Variants in PCDH11X observed in about 807,000 individuals in gnomAD.
PCDH11X encodes the protein protocadherin-11 X-linked.
Under a neutral mutation model 53.3 loss-of-function variants are expected in PCDH11X, and 18 were observed. The observed-to-expected ratio is 0.34, with a 90% CI of 0.23 to 0.50. The LOEUF (loss-of-function observed/expected upper bound fraction) is 0.50. Among genes scored for constraint, PCDH11X ranks in the 20% least tolerant of loss-of-function variants. PCDH11X has a pLI of 0.98. For synonymous variants in PCDH11X, 279 were observed against 393.3 expected (o/e 0.71, Z 3.44); for missense variants, 570 against 1,032.4 (o/e 0.55, Z 6.14).
intron 8 of PCDH11X, among the ~76,000 whole-genome samples, chrX:92,277,057 A>G (rs945206593): frequency 1.8e-5 from 2 of 110,742 alleles, no homozygotes; most frequent in African/African-American, 3.3e-5. Context: ...TAAAGAGATT[A>G]TAGGGTGGAA....
chrX:92,154,835 A>T (rs1374195563), intron 6 of PCDH11X, among the ~76,000 whole-genome samples: 1 of 94,958 alleles, frequency 1.1e-5, no homozygotes, highest in African/African-American at 4.0e-5. Context: ...ATCTGCCCAG[A>T]CCTACTCCTA....
At chrX:92,012,228 T>C (rs758445353) in intron 6 of PCDH11X, among the ~76,000 whole-genome samples, 3 of 108,910 alleles carry the variant, frequency 2.8e-5, no homozygotes, top group African/African-American at 1.0e-4. Context: ...TAGTAATGTT[T>C]TGATGTGCTG....
chrX:92,225,036 T>C (rs1013893938), intron 7 of PCDH11X, among the ~76,000 whole-genome samples: 2 of 111,661 alleles, frequency 1.8e-5, no homozygotes, highest in Non-Finnish European at 3.8e-5. Context: ...ATTGGGCTTC[T>C]GTTGGTATTT....
At chrX:92,304,366 C>T (rs1459160185) in intron 8 of PCDH11X, among the ~76,000 whole-genome samples, 2 of 111,269 alleles carry the variant, frequency 1.8e-5, no homozygotes, top group African/African-American at 6.5e-5. Flanking sequence ...TTCAGATTTA[C>T]CAGAACTTAT....
At chrX:92,012,273 C>A (rs1292069451) in intron 6 of PCDH11X, among the ~76,000 whole-genome samples, 1 of 108,064 alleles carries the variant, frequency 9.3e-6, no homozygotes, top group Non-Finnish European at 1.9e-5. Context: ...AGTAAAATGG[C>A]AGCTGGTTTT....
At position 92,195,769 on chromosome X, in the gene PCDH11X, A is replaced by G. The variant is rs6615340; in HGVS notation, c.3034-5606A>G. ...TAGAAATCCATGTCTCCTGACACCA[A>G]TTTGCATACAAAGCTCAAGACAAAA... On this transcript the variant is annotated intron_variant, in intron 6 of 10. Coordinates refer to ENST00000682573, the MANE Select transcript of PCDH11X (RefSeq NM_032968.5). 0.022 allele frequency among the ~76,000 whole-genome samples: 2,474 copies of G among 111,904 alleles called. 93 individuals are homozygous for G. In the East Asian group the frequency reaches 0.23, roughly 10 times the overall value.
chrX:92,575,706 C>T (rs1055678381), intron 10 of PCDH11X, among the ~76,000 whole-genome samples: 1 of 105,383 alleles, frequency 9.5e-6, no homozygotes, highest in Non-Finnish European at 1.9e-5. Flanking sequence ...TCCCAAATTC[C>T]AACAAATATA....
In PCDH11X at chrX:91,835,685, A is replaced by G; in HGVS notation, c.181A>G (p.Met61Val). ...LIPNKSLTTAMQFKLVYKTGD... is the reference protein window; with the variant it reads ...LIPNKSLTTAVQFKLVYKTGD... ...TCCAAACAAGTCCTTGACAACTGCT[A>G]TGCAGTTCAAGCTAGTGTACAAGAC... The change falls in exon 5 of 11, where the codon ATG becomes GTG. Residue 61 changes from methionine to valine, a missense_variant. This residue lies in a region of PCDH11X where 84 missense variants were observed against 142.0 expected (regional missense o/e 0.59). Coordinates refer to ENST00000682573, the MANE Select transcript of PCDH11X (RefSeq NM_032968.5). 1 of 1,211,480 alleles carries G rather than the reference A, an allele frequency of 8.3e-7. No individual in the cohort carries two copies. The highest frequency in any genetic ancestry group is 1.1e-6 in the Non-Finnish European group (1 of 895,480).
chrX:92,355,417 C>CAAAAAAAA (rs57339128), intron 8 of PCDH11X, among the ~76,000 whole-genome samples: 16 of 23,591 alleles, frequency 6.8e-4, no homozygotes, highest in Non-Finnish European at 9.2e-4. Flanking sequence ...GACTCCGTCT[C>CAAAAAAAA]AAAAAAAAAA....
At chrX:92,271,631 A>G (rs1273482111) in intron 8 of PCDH11X, among the ~76,000 whole-genome samples, 1 of 111,977 alleles carries the variant, frequency 8.9e-6, no homozygotes, top group Non-Finnish European at 1.9e-5. Flanking sequence ...ATTTCCTGTC[A>G]TAGATGAAGT....
intron 7 of PCDH11X, among the ~76,000 whole-genome samples, chrX:92,239,852 A>C (rs759925540): frequency 5.4e-5 from 6 of 112,117 alleles, no homozygotes; most frequent in Non-Finnish European, 1.1e-4. Flanking sequence ...AATGCTTATT[A>C]CAGCTGTGAA....
At chrX:92,403,347 T>G (rs1289476613) in intron 9 of PCDH11X, among the ~76,000 whole-genome samples, 10 of 95,891 alleles carry the variant, frequency 1.0e-4, no homozygotes, top group Non-Finnish European at 1.8e-4. Context: ...TTGTTTTTTT[T>G]TTTTTTTTTT....
chrX:91,990,198 C>A (rs1229648335), intron 6 of PCDH11X, among the ~76,000 whole-genome samples: 1 of 109,970 alleles, frequency 9.1e-6, no homozygotes, highest in Non-Finnish European at 1.9e-5. Context: ...TTATAGGGTA[C>A]AATTTTATGT....
chrX:91,794,604 T>C (rs1167063930), intron 1 of PCDH11X, among the ~76,000 whole-genome samples: 3 of 111,659 alleles, frequency 2.7e-5, no homozygotes, highest in Non-Finnish European at 5.6e-5. Flanking sequence ...AATGTTTTGA[T>C]GAAAATATAC....
At chrX:92,546,071 T>G (rs192471183) in intron 10 of PCDH11X, among the ~76,000 whole-genome samples, 4,706 of 106,037 alleles carry the variant, frequency 0.044, 255 homozygotes, top group African/African-American at 0.15. Flanking sequence ...GTGAGCTGAT[T>G]TTTACACAAC....
intron 6 of PCDH11X, among the ~76,000 whole-genome samples, chrX:92,183,248 C>CTTTTTT (rs60978254): frequency 9.6e-5 from 5 of 52,293 alleles, no homozygotes; most frequent in Non-Finnish European, 1.4e-4. Flanking sequence ...CTAGAGAAAC[C>CTTTTTT]TTTTTTTTTT....
chrX:92,163,207 G>A (rs1181688593), intron 6 of PCDH11X, among the ~76,000 whole-genome samples: 1 of 110,292 alleles, frequency 9.1e-6, no homozygotes, highest in Non-Finnish European at 1.9e-5. Context: ...ACAGTGCTGA[G>A]TTTGTTTCCA....
At chrX:91,798,042 C>T (rs1247819324) in intron 1 of PCDH11X, 1 of 104,992 alleles carries the variant, frequency 9.5e-6, no homozygotes, top group African/African-American at 3.6e-5. Flanking sequence ...AAGCTTTATG[C>T]TTTTTTTCTT....
chrX:91,856,904 A>G (rs1196362884), intron 5 of PCDH11X, among the ~76,000 whole-genome samples: 3 of 111,861 alleles, frequency 2.7e-5, no homozygotes, highest in African/African-American at 9.8e-5. Context: ...TAGTGCTGCA[A>G]TGAACATACA....
Sources: gnomAD v4.1 joint callset for allele counts (sites outside exome capture counted in the v4.1 genomes callset) on GRCh38, gnomAD v4.1.1 for gene constraint, gnomAD v4.1.1 regional missense constraint, MANE v1.5 for transcripts, NCBI Gene and HGNC (gene_info 2026-07-23, HGNC 2026-07-21) for gene names.